Variants in GLG1 observed in about 807,000 individuals in gnomAD.
GLG1 encodes golgi glycoprotein 1.
Under a neutral mutation model 160.5 loss-of-function variants are expected in GLG1, and 38 were observed. That is an observed-to-expected ratio of 0.24 (90% CI 0.18 to 0.31). The LOEUF (loss-of-function observed/expected upper bound fraction) is 0.31. GLG1 is among the 10% of genes least tolerant of loss of function. The pLI, the probability that GLG1 is intolerant of heterozygous loss-of-function variation, is 1.00. For missense variants in GLG1, 1,373 were observed against 1,505.2 expected, an observed-to-expected ratio of 0.91 and a Z score of 1.45; for synonymous variants, 644 against 543.4, an observed-to-expected ratio of 1.19 and a Z score of -2.57.
intron 1 of GLG1, among the ~76,000 whole-genome samples, chr16:74,566,403 C>T (rs775740367): frequency 9.2e-5 from 14 of 152,204 alleles, no homozygotes; most frequent in Non-Finnish European, 1.5e-4. Context: ...ACGGCTTCAT[C>T]GTTCCCACAG....
At chr16:74,492,823 GA>G (rs370571319) in intron 7 of GLG1, 133 bp downstream of exon 7, 37,273 of 326,840 alleles carry the variant, frequency 0.11, 1 homozygote, top group Middle Eastern at 0.14. Flanking sequence ...TCCGTCTCAA[GA>G]AAAAAAAAAA....
At chr16:74,498,904 A>G (rs1421400009) in intron 4 of GLG1, among the ~76,000 whole-genome samples, 1 of 147,942 alleles carries the variant, frequency 6.8e-6, no homozygotes, top group Non-Finnish European at 1.5e-5. Context: ...CCTAAAACCA[A>G]GTAGCGTAAC....
intron 2 of GLG1, among the ~76,000 whole-genome samples, chr16:74,512,219 C>T (rs774030693): frequency 1.0e-4 from 14 of 139,946 alleles, no homozygotes; most frequent in Non-Finnish European, 1.7e-4. Flanking sequence ...AGTGCAGTGG[C>T]GCGATCTCGA....
rs2014567629 is a variant in GLG1, at chr16:74,456,849, G to C, written c.3266-94C>G. 3 of 792,150 alleles carry C rather than the reference G, an allele frequency of 3.8e-6. No homozygotes were observed. The Admixed American group carries it at 5.9e-5, about 15-fold the overall frequency. The allele number at this position is 792,150 out of a possible 1,614,324, so 49.1% of individuals were successfully genotyped here. ...AGGAAGAGGGTGCACAACCACCAGAGAATTCAGATCTGCAGGCTCAACAAA... is the reference window on the plus strand; with the variant it reads ...AGGAAGAGGGTGCACAACCACCAGACAATTCAGATCTGCAGGCTCAACAAA... On this transcript the variant is annotated intron_variant, in intron 24 of 25. Transcript: ENST00000422840.
intron 10 of GLG1, among the ~76,000 whole-genome samples, chr16:74,481,795 T>C (rs2143317625): frequency 1.3e-5 from 2 of 152,218 alleles, no homozygotes; most frequent in South Asian, 2.1e-4. Flanking sequence ...GAATCTCCTT[T>C]TTTTTTTGAG....
intron 1 of GLG1, among the ~76,000 whole-genome samples, chr16:74,571,739 A>G (rs1318580319): frequency 1.3e-5 from 2 of 152,124 alleles, no homozygotes; most frequent in Non-Finnish European, 1.5e-5. Context: ...GTGGGAAGAT[A>G]GCCTAAGCCC....
At chr16:74,570,896 C>T (rs181825939) in intron 1 of GLG1, among the ~76,000 whole-genome samples, 10 of 152,170 alleles carry the variant, frequency 6.6e-5, no homozygotes, top group Admixed American at 2.0e-4. Context: ...CGCCTACCAC[C>T]CGCTGGCCCC....
rs368546504 is a variant in GLG1 at position 74,465,790 on chromosome 16, G to A, written c.2553C>T (p.Asn851=). ...GGCAGCGGGTGCTTAGCTGCTTCTTGTTTTCTTTCAGACATTCGATAATCT... is the reference window on the plus strand; with the variant it reads ...GGCAGCGGGTGCTTAGCTGCTTCTTATTTTCTTTCAGACATTCGATAATCT... The part of the protein sequence containing the change: ...NAQIIECLKE[N]KKQLSTRCHQ... Residue 851 remains asparagine (N), a synonymous_variant, in exon 19 of 26, where the codon AAC becomes AAT. Transcript: ENST00000422840. The A allele has an allele frequency of 6.2e-7, 1 of 1,613,552 alleles. No individual in the cohort carries two copies. The highest frequency in any genetic ancestry group is 2.2e-5 in the East Asian group (1 of 44,892).
At position 74,453,238 on chromosome 16, in the gene GLG1, T is replaced by C. The variant is rs374337926; in HGVS notation, c.3469A>G (p.Ile1157Val). Residue 1157 changes from isoleucine (I) to valine (V), a missense_variant, in exon 26 of 26, where the codon ATA becomes GTA. By Grantham distance (29) the Ile-to-Val change is conservative (BLOSUM62 3). Transcript: ENST00000422840. ...ILSVISGSIC[I>V]LFLIGLMCGR... ...CACATCAGGCCAATCAGGAACAATA[T>C]ACAGATGCTCCCACTGATCACAGAG... is the stretch of plus-strand genomic sequence containing the variant. 500 of 1,613,488 alleles carry C rather than the reference T, an allele frequency of 3.1e-4. No individual in the cohort carries two copies. Among genetic ancestry groups the C allele is most frequent in the Non-Finnish European group, 3.9e-4 (465 of 1,179,538 alleles).
intron 1 of GLG1, among the ~76,000 whole-genome samples, chr16:74,595,529 T>C (rs2143883771): frequency 6.6e-6 from 1 of 152,284 alleles, no homozygotes; most frequent in Admixed American, 6.5e-5. Context: ...AGAGCAAGAC[T>C]CCGTCTCAAA....
chr16:74,574,645 G>A (rs1445287456), intron 1 of GLG1, among the ~76,000 whole-genome samples: 1 of 151,908 alleles, frequency 6.6e-6, no homozygotes, highest in African/African-American at 2.4e-5. Flanking sequence ...CACTTCGGGA[G>A]GCTGAGGAGG....
chr16:74,571,455 T>C (rs1233055651), intron 1 of GLG1, among the ~76,000 whole-genome samples: 1 of 152,104 alleles, frequency 6.6e-6, no homozygotes, highest in African/African-American at 2.4e-5. Flanking sequence ...GGAAGATCAC[T>C]TGAGCCCAGA....
chr16:74,589,779 T>C (rs1375950987), intron 1 of GLG1, among the ~76,000 whole-genome samples: 1 of 151,998 alleles, frequency 6.6e-6, no homozygotes, highest in Admixed American at 6.6e-5. Flanking sequence ...ATACCAATAG[T>C]AAAAATTCTT....
At chr16:74,560,101 C>T (rs759604596) in intron 1 of GLG1, among the ~76,000 whole-genome samples, 7 of 152,112 alleles carry the variant, frequency 4.6e-5, no homozygotes, top group Non-Finnish European at 8.8e-5. Context: ...ACACGCGTTT[C>T]GCCAAACATT....
rs2014894071 is a variant in GLG1 at position 74,463,739 on chromosome 16, T to TTGC, written c.2668-261_2668-260insGCA. 7.1e-6 allele frequency: 3 copies of TTGC among 424,328 alleles called. No individual in the cohort carries two copies. In the South Asian group the frequency reaches 7.4e-5, roughly 10 times the overall value. 26.3% of individuals were successfully genotyped at this position (424,328 alleles called of 1,614,324 possible). On this transcript the variant is annotated intron_variant, in intron 19 of 25. Transcript: ENST00000422840. ...GCTCATTTTTGTGTTTTTTTTGTTG[T>TTGC]TGTTGTTGTTGTTTTAGCAGAGATG...
intron 25 of GLG1, among the ~76,000 whole-genome samples, chr16:74,455,414 A>G (rs1335926100): frequency 6.6e-6 from 1 of 152,190 alleles, no homozygotes; most frequent in Non-Finnish European, 1.5e-5. Flanking sequence ...CTCTGAAGCA[A>G]TAATACACAG....
At chr16:74,564,358 G>C (rs1164601711) in intron 1 of GLG1, among the ~76,000 whole-genome samples, 1 of 152,192 alleles carries the variant, frequency 6.6e-6, no homozygotes, top group African/African-American at 2.4e-5. Context: ...TTTGATTTTA[G>C]TTGGTTTGGT....
At chr16:74,594,036 A>G (rs948116448) in intron 1 of GLG1, among the ~76,000 whole-genome samples, 5 of 152,052 alleles carry the variant, frequency 3.3e-5, no homozygotes, top group African/African-American at 1.2e-4. Flanking sequence ...CCTCCTGAGT[A>G]GCTGGGGTTA....
intron 2 of GLG1, among the ~76,000 whole-genome samples, chr16:74,528,843 G>A (rs537736058): frequency 6.9e-4 from 99 of 142,984 alleles, no homozygotes; most frequent in African/African-American, 2.4e-3. Flanking sequence ...AAAATTGTTA[G>A]GTGAGTATGG....
Sources: allele counts gnomAD v4.1 joint callset (sites outside exome capture counted in the v4.1 genomes callset), GRCh38; gene constraint gnomAD v4.1.1; transcripts MANE v1.5; gene names NCBI Gene and HGNC (gene_info 2026-07-23, HGNC 2026-07-21).